The following IL34 variants were observed in gnomAD, a reference collection of about 807,000 sequenced individuals.
IL34 encodes interleukin-34.
IL34 carries 17 observed loss-of-function variants against 25.3 expected under a neutral mutation model. The ratio of observed to expected loss-of-function variants is 0.67; its 90% CI spans 0.46 to 1.01. The LOEUF is 1.01. Among genes scored for constraint, IL34 ranks in the 50% least tolerant of loss-of-function variants. IL34 has a pLI of 0.00. For synonymous variants in IL34, 174 were observed against 140.9 expected (o/e 1.23, Z -1.66); for missense variants, 368 against 312.9 (o/e 1.18, Z -1.33).
rs1309764175 is a variant in IL34 at position 70,605,664 on chromosome 16, C to T, written c.-401+25615C>T. 3.3e-5 allele frequency among the ~76,000 whole-genome samples: 5 copies of T among 152,096 alleles called. No individual in the cohort carries two copies. The East Asian group carries it at 9.7e-4, about 29-fold the overall frequency. On this transcript the variant is annotated intron_variant, in intron 1 of 6. Transcript: ENST00000429149. ...TTTGTTACAATGAGACCTCTTCTCT[C>T]TTCTCTTCTCTTCTTTTTTTTCTTT...
At chr16:70,584,592 G>A (rs575465114) in intron 1 of IL34, among the ~76,000 whole-genome samples, 1 of 152,256 alleles carries the variant, frequency 6.6e-6, no homozygotes, top group Non-Finnish European at 1.5e-5. Context: ...CCACCACCAA[G>A]TCCCAGCTGC....
chr16:70,645,460 T>C (rs969456368), upstream of IL34, among the ~76,000 whole-genome samples: 1 of 152,068 alleles, frequency 6.6e-6, no homozygotes, highest in Non-Finnish European at 1.5e-5. Flanking sequence ...GGCGAGGGGA[T>C]GGAAGAGAAC....
At chr16:70,641,834 T>C (rs934480876), upstream of IL34, among the ~76,000 whole-genome samples, 5 of 152,054 alleles carry the variant, frequency 3.3e-5, no homozygotes, top group Admixed American at 1.3e-4. Context: ...TCCCAAAGTG[T>C]TGGAATTATA....
At chr16:70,659,565 C>T in intron 4 of IL34, 53 bp from the exon 5 acceptor site, 7 of 1,557,296 alleles carry the variant, frequency 4.5e-6, no homozygotes, top group Non-Finnish European at 6.1e-6. Context: ...TCACGGCTCT[C>T]CTGGGGTGCG....
intron 1 of IL34, among the ~76,000 whole-genome samples, chr16:70,623,138 A>C (rs906097821): frequency 1.3e-5 from 2 of 152,038 alleles, no homozygotes; most frequent in Non-Finnish European, 2.9e-5. Context: ...TGATTGAAGT[A>C]ATGGGGGCTG....
Position 70,656,678 on chromosome 16 carries a change from TG to T in IL34, c.240+1del. ...GVFRIANVTR[L>X]QRAQVSEREL... is the part of the protein sequence containing the mutation. ...TTCAGAATCGCCAACGTCACCAGGC[TG>T]GTGAGAATCCCTTCCTGGGCTGGGG... On this transcript the variant is annotated frameshift_variant and splice_region_variant, in exon 3 of 6. Coordinates refer to ENST00000288098, the MANE Select transcript of IL34 (RefSeq NM_001393494.1). LOFTEE classifies it high-confidence loss of function. The T allele has an allele frequency of 7.5e-7, 1 of 1,333,620 alleles. No individual in the cohort carries two copies. Among genetic ancestry groups the T allele is most frequent in the Non-Finnish European group, 1.1e-6 (1 of 923,656 alleles). 82.6% of individuals were successfully genotyped at this position (1,333,620 alleles called of 1,614,324 possible).
chr16:70,658,166 C>A (rs993948431), intron 4 of IL34, among the ~76,000 whole-genome samples: 1 of 152,146 alleles, frequency 6.6e-6, no homozygotes. Flanking sequence ...GGAGAACATC[C>A]CAGGCCAACT....
chr16:70,583,708 AG>A (rs1165270669), intron 1 of IL34, among the ~76,000 whole-genome samples: 1 of 151,880 alleles, frequency 6.6e-6, no homozygotes, highest in Non-Finnish European at 1.5e-5. Context: ...GCTGGAGTGC[AG>A]TGGTGTGATC....
chr16:70,613,411 C>T (rs2051121320), intron 1 of IL34, among the ~76,000 whole-genome samples: 2 of 152,176 alleles, frequency 1.3e-5, no homozygotes, highest in South Asian at 4.1e-4. Flanking sequence ...GATGGGGCCT[C>T]ACCTGGTCTC....
At chr16:70,613,115 T>G (rs752584742) in intron 1 of IL34, among the ~76,000 whole-genome samples, 1 of 152,122 alleles carries the variant, frequency 6.6e-6, no homozygotes, top group Non-Finnish European at 1.5e-5. Context: ...CTTCTTCAGG[T>G]TCCCACAGCA....
chr16:70,642,776 T>C (rs9925191), upstream of IL34, among the ~76,000 whole-genome samples: 33,328 of 152,074 alleles, frequency 0.22, 5,933 homozygotes, highest in African/African-American at 0.5. Flanking sequence ...ACAAAATGAA[T>C]GAACCCTGAA....
chr16:70,620,861 T>C (rs1597752207), intron 1 of IL34, among the ~76,000 whole-genome samples: 1 of 152,108 alleles, frequency 6.6e-6, no homozygotes, highest in South Asian at 2.1e-4. Flanking sequence ...GAAGAGGTTT[T>C]AAGTTTTTGA....
At chr16:70,643,288 C>G (rs547847458), upstream of IL34, among the ~76,000 whole-genome samples, 15 of 152,248 alleles carry the variant, frequency 9.9e-5, no homozygotes, top group Admixed American at 9.2e-4. Flanking sequence ...GGTCTCGAAT[C>G]CCTGACCTCA....
At position 70,601,006 on chromosome 16, in the gene IL34, G is replaced by A. The variant is rs561654714; in HGVS notation, c.-401+20957G>A. Among the ~76,000 whole-genome samples the A allele has an allele frequency of 4.1e-5, 6 of 147,906 alleles. No homozygotes were observed. The South Asian group carries it at 8.4e-4, about 21-fold the overall frequency. ...GGAGAAGTAGGGGATGCTAAGAGACGTGGGAGATGCTGGGAGAAGTAGGGG... is the reference window on the plus strand; with the variant it reads ...GGAGAAGTAGGGGATGCTAAGAGACATGGGAGATGCTGGGAGAAGTAGGGG... On this transcript the variant is annotated intron_variant, in intron 1 of 6. Transcript: ENST00000429149.
intron 1 of IL34, among the ~76,000 whole-genome samples, chr16:70,640,626 T>C (rs200247815): frequency 7.6e-6 from 1 of 131,814 alleles, no homozygotes; most frequent in Non-Finnish European, 1.7e-5. Context: ...TCCGTCTCAA[T>C]AAAAAAAAAA....
intron 4 of IL34, 134 bp from the exon 5 acceptor site, chr16:70,659,484 C>T (rs548611321): frequency 5.2e-6 from 6 of 1,158,508 alleles, no homozygotes; most frequent in African/African-American, 1.5e-5. Context: ...AAATAGCTAT[C>T]CAGGCTCATG....
chr16:70,611,981 A>G (rs901401464), intron 1 of IL34, among the ~76,000 whole-genome samples: 1 of 152,166 alleles, frequency 6.6e-6, no homozygotes, highest in African/African-American at 2.4e-5. Flanking sequence ...GTGAGCCATG[A>G]TTGCACCTCT....
At chr16:70,651,544 G>A (rs1009146324) in intron 1 of IL34, among the ~76,000 whole-genome samples, 2 of 152,128 alleles carry the variant, frequency 1.3e-5, no homozygotes, top group Non-Finnish European at 2.9e-5. Context: ...CTCCTGGTGG[G>A]AGGTCCTGCA....
intron 1 of IL34, among the ~76,000 whole-genome samples, chr16:70,631,253 G>A (rs1431997284): frequency 6.6e-6 from 1 of 152,158 alleles, no homozygotes; most frequent in East Asian, 1.9e-4. Context: ...GGACTGTTGT[G>A]GACATGGTCT....
Sources: gnomAD v4.1 joint callset for allele counts (sites outside exome capture counted in the v4.1 genomes callset) on GRCh38, gnomAD v4.1.1 for gene constraint, MANE v1.5 for transcripts, NCBI Gene and HGNC (gene_info 2026-07-23, HGNC 2026-07-21) for gene names.